CDC42BPA: variants seen among roughly 807,000 people sequenced by gnomAD.
The protein encoded by CDC42BPA is CDC42 binding protein kinase alpha.
Under a neutral mutation model 223.5 loss-of-function variants are expected in CDC42BPA, and 80 were observed. The ratio of observed to expected loss-of-function variants is 0.36; its 90% CI spans 0.30 to 0.43. CDC42BPA has a LOEUF of 0.43. Among genes scored for constraint, CDC42BPA ranks in the 20% least tolerant of loss-of-function variants. The probability of loss-of-function intolerance (pLI) is 1.00; values close to 1 mark genes in which losing one functional copy is unlikely to be tolerated. For synonymous variants in CDC42BPA, 694 were observed against 718.6 expected, an observed-to-expected ratio of 0.97 and a Z score of 0.55; for missense variants, 1,743 against 2,099.9, an observed-to-expected ratio of 0.83 and a Z score of 3.32.
At chr1:227,157,893 A>C (rs142369682) in intron 6 of CDC42BPA, among the ~76,000 whole-genome samples, 31 of 151,454 alleles carry the variant, frequency 2.0e-4, no homozygotes, top group African/African-American at 7.0e-4. Context: ...TTCTGCTGAA[A>C]TTCCTTATTT....
intron 21 of CDC42BPA, among the ~76,000 whole-genome samples, chr1:227,067,872 C>A (rs1677437058): frequency 6.6e-6 from 1 of 152,036 alleles, no homozygotes; most frequent in African/African-American, 2.4e-5. Flanking sequence ...CATTTGAATC[C>A]ATTTTATTTC....
At chr1:227,258,150 G>A (rs1169735185) in intron 1 of CDC42BPA, among the ~76,000 whole-genome samples, 5 of 141,926 alleles carry the variant, frequency 3.5e-5, no homozygotes, top group Non-Finnish European at 7.5e-5. Context: ...ACTCCAGCCT[G>A]GGCAACAGGG....
chr1:227,211,643 C>G (rs1393177643), intron 3 of CDC42BPA, among the ~76,000 whole-genome samples: 1 of 152,026 alleles, frequency 6.6e-6, no homozygotes, highest in Non-Finnish European at 1.5e-5. Flanking sequence ...AACTGGAGAT[C>G]ATTATCCCAA....
chr1:227,256,501 G>A (rs113583357), intron 1 of CDC42BPA, among the ~76,000 whole-genome samples: 1 of 151,298 alleles, frequency 6.6e-6, no homozygotes, highest in African/African-American at 2.4e-5. Flanking sequence ...TATATATGAA[G>A]ATATATAAAA....
Position 227,043,808 on chromosome 1 carries a change from C to CCATGAAGA in CDC42BPA, c.3094-3573_3094-3572insTCTTCATG, listed in dbSNP as rs539344717. Among the ~76,000 whole-genome samples, 81 of 152,190 alleles carry CCATGAAGA rather than the reference C, an allele frequency of 5.3e-4. No individual in the cohort carries two copies. The East Asian group carries it at 6.8e-3, about 13-fold the overall frequency. The stretch of plus-strand genomic sequence containing the variant: ...CAACTCCCTACTGCCATAAAAAATA[C>CCATGAAGA]AGTAATAAACATCTTCATCATGTTG... On this transcript the variant is annotated intron_variant, in intron 23 of 36. Coordinates refer to ENST00000366766, the MANE Select transcript of CDC42BPA (RefSeq NM_001394014.1).
intron 12 of CDC42BPA, among the ~76,000 whole-genome samples, chr1:227,119,592 GAT>G (rs1688307498): frequency 4.0e-5 from 6 of 151,896 alleles, no homozygotes; most frequent in Admixed American, 3.9e-4. Flanking sequence ...AAGAACAAAA[GAT>G]TCTGAACTTT....
At chr1:227,061,051 A>C (rs550460134) in intron 21 of CDC42BPA, among the ~76,000 whole-genome samples, 1 of 152,222 alleles carries the variant, frequency 6.6e-6, no homozygotes, top group Admixed American at 6.5e-5. Context: ...TAGGAAATGG[A>C]ATGGAAGATA....
At chr1:227,122,746 C>G (rs1056992154) in intron 11 of CDC42BPA, among the ~76,000 whole-genome samples, 33 of 152,148 alleles carry the variant, frequency 2.2e-4, no homozygotes, top group African/African-American at 7.7e-4. Flanking sequence ...TGGAGAGAAA[C>G]ACAGCACTTG....
chr1:227,098,948 T>C (rs1684493516), intron 15 of CDC42BPA, among the ~76,000 whole-genome samples: 1 of 151,808 alleles, frequency 6.6e-6, no homozygotes, highest in South Asian at 2.1e-4. Flanking sequence ...AATGCATTAG[T>C]CCATAACTGC....
intron 1 of CDC42BPA, among the ~76,000 whole-genome samples, chr1:227,299,919 T>A (rs1310369275): frequency 6.6e-6 from 1 of 152,174 alleles, no homozygotes; most frequent in Non-Finnish European, 1.5e-5. Context: ...AATAAAGACG[T>A]CATTCTCGTC....
chr1:227,006,918 G>A (rs535608758), intron 34 of CDC42BPA, among the ~76,000 whole-genome samples: 1 of 151,474 alleles, frequency 6.6e-6, no homozygotes, highest in African/African-American at 2.4e-5. Flanking sequence ...CGGCCTGGGC[G>A]TGCACTCACT....
chr1:227,115,409 T>C (rs1183462294), intron 12 of CDC42BPA, among the ~76,000 whole-genome samples: 2 of 151,808 alleles, frequency 1.3e-5, no homozygotes, highest in African/African-American at 4.8e-5. Context: ...TAAGAGAGTC[T>C]CAAAATCATT....
At chr1:227,097,382 A>G (rs2149282240) in intron 15 of CDC42BPA, among the ~76,000 whole-genome samples, 1 of 152,278 alleles carries the variant, frequency 6.6e-6, no homozygotes, top group South Asian at 2.1e-4. Context: ...CATTTGATTC[A>G]GAACTCATTT....
chr1:227,036,725 C>T (rs553839987), intron 24 of CDC42BPA, among the ~76,000 whole-genome samples: 2 of 152,242 alleles, frequency 1.3e-5, no homozygotes, highest in African/African-American at 2.4e-5. Flanking sequence ...CCACCGCGCC[C>T]GGCCTTCAAT....
intron 10 of CDC42BPA, among the ~76,000 whole-genome samples, chr1:227,132,367 G>A (rs1283202108): frequency 1.3e-5 from 2 of 151,886 alleles, no homozygotes; most frequent in African/African-American, 2.4e-5. Context: ...TCCTAACCGC[G>A]AGTGATCCGC....
intron 1 of CDC42BPA, among the ~76,000 whole-genome samples, chr1:227,284,259 T>A (rs1688470705): frequency 6.6e-6 from 1 of 152,218 alleles, no homozygotes; most frequent in Non-Finnish European, 1.5e-5. Context: ...AGTAATGATT[T>A]AATTTTTTAT....
intron 35 of CDC42BPA, among the ~76,000 whole-genome samples, chr1:227,000,313 C>T (rs141002463): frequency 7.9e-5 from 12 of 152,182 alleles, no homozygotes; most frequent in African/African-American, 1.7e-4. Context: ...TGATGTGGAA[C>T]GTGTGTCTCC....
chr1:227,006,979 A>G (rs926001137), intron 34 of CDC42BPA, among the ~76,000 whole-genome samples: 3 of 151,802 alleles, frequency 2.0e-5, no homozygotes, highest in Non-Finnish European at 4.4e-5. Flanking sequence ...AACAACAACA[A>G]CAACAACAAC....
intron 35 of CDC42BPA, among the ~76,000 whole-genome samples, chr1:227,001,728 G>A (rs1359735847): frequency 6.6e-6 from 1 of 152,100 alleles, no homozygotes; most frequent in African/African-American, 2.4e-5. Context: ...CCAACATGGT[G>A]AAACCCCGTC....
Sources: gnomAD v4.1 joint callset for allele counts (sites outside exome capture counted in the v4.1 genomes callset) on GRCh38, gnomAD v4.1.1 for gene constraint, MANE v1.5 for transcripts, NCBI Gene and HGNC (gene_info 2026-07-23, HGNC 2026-07-21) for gene names.